The following DLGAP1 variants were observed in gnomAD, a reference collection of about 807,000 sequenced individuals.
DLGAP1 encodes the protein disks large-associated protein 1.
DLGAP1 carries 11 observed loss-of-function variants against 90.8 expected under a neutral mutation model. The ratio of observed to expected loss-of-function variants is 0.12; its 90% CI spans 0.08 to 0.20. The LOEUF (loss-of-function observed/expected upper bound fraction) is 0.20, where lower values mean the gene tolerates loss of function less well. Among genes scored for constraint, DLGAP1 ranks in the 10% least tolerant of loss-of-function variants. The probability of loss-of-function intolerance (pLI) is 1.00; values close to 1 mark genes in which losing one functional copy is unlikely to be tolerated. For missense variants in DLGAP1, 1,050 were observed against 1,333.8 expected (o/e 0.79, Z 3.31); for synonymous variants, 558 against 540.7 (o/e 1.03, Z -0.44).
intron 1 of DLGAP1, among the ~76,000 whole-genome samples, chr18:4,214,937 A>G (rs1325674593): frequency 1.1e-4 from 17 of 152,180 alleles, no homozygotes; most frequent in Non-Finnish European, 1.5e-5. Context: ...CTTCCCTCTG[A>G]TAAGAAAATG....
intron 7 of DLGAP1, among the ~76,000 whole-genome samples, chr18:3,616,348 A>G (rs1279163727): frequency 1.3e-5 from 2 of 152,154 alleles, no homozygotes; most frequent in African/African-American, 4.8e-5. Flanking sequence ...GCCCTGGGCG[A>G]TGTGTACATG....
intron 10 of DLGAP1, among the ~76,000 whole-genome samples, chr18:3,513,355 T>C (rs1212767504): frequency 1.3e-5 from 2 of 152,238 alleles, no homozygotes; most frequent in East Asian, 3.9e-4. Context: ...TGGCTATTCA[T>C]AGGCATGAAC....
chr18:3,623,014 A>C (rs2058153870), intron 7 of DLGAP1, among the ~76,000 whole-genome samples: 1 of 152,070 alleles, frequency 6.6e-6, no homozygotes, highest in Non-Finnish European at 1.5e-5. Flanking sequence ...CATGTTGGCC[A>C]GGCTGGTCTT....
intron 7 of DLGAP1, among the ~76,000 whole-genome samples, chr18:3,589,499 C>G (rs2056108644): frequency 6.6e-6 from 1 of 152,080 alleles, no homozygotes. Context: ...TTCTTTAAAA[C>G]ATGAGAGAGC....
chr18:3,891,503 G>C (rs1479811148), intron 3 of DLGAP1, among the ~76,000 whole-genome samples: 1 of 152,178 alleles, frequency 6.6e-6, no homozygotes, highest in East Asian at 1.9e-4. Flanking sequence ...TTCTGTTCCA[G>C]CTGCCCTAAG....
chr18:4,285,892 C>T (rs1333415768), intron 1 of DLGAP1, among the ~76,000 whole-genome samples: 1 of 152,154 alleles, frequency 6.6e-6, no homozygotes, highest in East Asian at 1.9e-4. Flanking sequence ...CACAAGGACT[C>T]AAATATAGAA....
intron 3 of DLGAP1, among the ~76,000 whole-genome samples, chr18:3,999,722 G>A (rs74253819): frequency 6.6e-6 from 1 of 152,304 alleles, no homozygotes; most frequent in East Asian, 1.9e-4. Flanking sequence ...TTATTGGGGG[G>A]AAAAGTGGCC....
chr18:3,977,434 G>GGGTTTTTT (rs767760816), intron 3 of DLGAP1, among the ~76,000 whole-genome samples: 1 of 95,332 alleles, frequency 1.0e-5, no homozygotes, highest in African/African-American at 4.2e-5. Flanking sequence ...TTTATTCTGT[G>GGGTTTTTT]TTTTTTTTTT....
At chr18:3,651,972 C>A (rs138582715) in intron 7 of DLGAP1, among the ~76,000 whole-genome samples, 6,554 of 147,600 alleles carry the variant, frequency 0.044, 495 homozygotes, top group African/African-American at 0.16. Flanking sequence ...CTGTCTCAAA[C>A]ACAACAACAA....
intron 7 of DLGAP1, among the ~76,000 whole-genome samples, chr18:3,659,053 C>T (rs1054470521): frequency 2.0e-5 from 3 of 152,060 alleles, no homozygotes; most frequent in Non-Finnish European, 4.4e-5. Context: ...AAATAGACTT[C>T]TCTTATATTT....
Position 4,099,246 on chromosome 18 carries a change from G to A in DLGAP1, c.-159+51934C>T, listed in dbSNP as rs9952095. Among the ~76,000 whole-genome samples, 1,026 of 114,584 alleles carry A rather than the reference G, an allele frequency of 9.0e-3. 8 individuals carry two copies. Among genetic ancestry groups the A allele is most frequent in the African/African-American group, 0.015 (437 of 29,558 alleles). 75.2% of individuals were successfully genotyped at this position (114,584 alleles called of 152,430 possible). A position where few individuals can be genotyped will look rare whatever the true frequency, so the allele number is the denominator to read the frequency against. ...CTGGAACTTGAAAATAGATCTGTCT[G>A]TCTGTCTGTCTGTCTGTCTGTCTGT... is the stretch of plus-strand genomic sequence containing the variant. On this transcript the variant is annotated intron_variant, in intron 2 of 12. Transcript: ENST00000315677.
In DLGAP1 at chr18:3,837,849, CAAAAAAAAAAAAAAAA is replaced by C. The variant is rs5822770; in HGVS notation, c.958-23592_958-23577del. On this transcript the variant is annotated intron_variant, in intron 4 of 12. Coordinates refer to ENST00000315677, the MANE Select transcript of DLGAP1 (RefSeq NM_004746.4). Reference sequence around the variant, plus strand: ...CCTGGGCGACAGAGTGAGATTCTGTCAAAAAAAAAAAAAAAAAAAAAAAAAAAAAAAAGTCAGGGAC... The same window carrying C: ...CCTGGGCGACAGAGTGAGATTCTGTCAAAAAAAAAAAAAAAAGTCAGGGAC... Among the ~76,000 whole-genome samples the C allele has an allele frequency of 6.7e-4, 18 of 26,798 alleles. No individual in the cohort carries two copies. In the South Asian group the frequency reaches 0.013, roughly 20 times the overall value. The allele number at this position is 26,798 out of a possible 152,430, so 17.6% of individuals were successfully genotyped here.
intron 7 of DLGAP1, among the ~76,000 whole-genome samples, chr18:3,712,310 C>T (rs903014089): frequency 6.6e-6 from 1 of 152,194 alleles, no homozygotes; most frequent in African/African-American, 2.4e-5. Flanking sequence ...GCAAGAGCAG[C>T]GTTTGCCGCG....
chr18:4,128,821 T>C (rs1343939302), intron 2 of DLGAP1, among the ~76,000 whole-genome samples: 1 of 152,120 alleles, frequency 6.6e-6, no homozygotes, highest in Non-Finnish European at 1.5e-5. Context: ...TGACTTTCCA[T>C]ATGACATTTT....
intron 9 of DLGAP1, among the ~76,000 whole-genome samples, chr18:3,559,981 T>C (rs1315676220): frequency 2.0e-5 from 3 of 152,140 alleles, no homozygotes; most frequent in Non-Finnish European, 2.9e-5. Context: ...TTTGTAATAA[T>C]TAATAATTTC....
chr18:4,413,394 G>C (rs1315857092), intron 1 of DLGAP1, among the ~76,000 whole-genome samples: 1 of 152,158 alleles, frequency 6.6e-6, no homozygotes, highest in African/African-American at 2.4e-5. Flanking sequence ...GATGGTCAAG[G>C]CCTGGCCCCC....
chr18:3,701,327 C>T (rs2061272862), intron 7 of DLGAP1, among the ~76,000 whole-genome samples: 1 of 152,136 alleles, frequency 6.6e-6, no homozygotes, highest in South Asian at 2.1e-4. Context: ...GTGGTGTTCC[C>T]GTTAAGGGTG....
At chr18:4,272,539 G>A (rs62086535) in intron 1 of DLGAP1, among the ~76,000 whole-genome samples, 3,146 of 152,150 alleles carry the variant, frequency 0.021, 37 homozygotes, top group East Asian at 0.042. Context: ...ATAATAATCC[G>A]ACTTAGTCCC....
intron 4 of DLGAP1, among the ~76,000 whole-genome samples, chr18:3,840,671 C>T (rs967494732): frequency 8.5e-5 from 13 of 152,296 alleles, no homozygotes; most frequent in African/African-American, 2.4e-4. Flanking sequence ...CCACTAACTA[C>T]GACCACCCAC....
Sources: gnomAD v4.1 joint callset for allele counts (sites outside exome capture counted in the v4.1 genomes callset) on GRCh38, gnomAD v4.1.1 for gene constraint, MANE v1.5 for transcripts, NCBI Gene and HGNC (gene_info 2026-07-23, HGNC 2026-07-21) for gene names.